The following DLGAP2 variants were observed in gnomAD, a reference collection of about 807,000 sequenced individuals.
DLGAP2 encodes DLG associated protein 2.
In DLGAP2, 26 loss-of-function variants were observed where a neutral mutation model predicts 100.3. The observed-to-expected ratio is 0.26, with a 90% confidence interval of 0.19 to 0.36. The LOEUF (loss-of-function observed/expected upper bound fraction) is 0.36. DLGAP2 is among the 10% of genes least tolerant of loss of function. The pLI is 1.00. For synonymous variants in DLGAP2, 886 were observed against 630.1 expected (o/e 1.41, Z -6.08); for missense variants, 1,858 against 1,453.2 (o/e 1.28, Z -4.53).
At chr8:1,231,039 A>G (rs1798524758) in intron 2 of DLGAP2, among the ~76,000 whole-genome samples, 1 of 152,240 alleles carries the variant, frequency 6.6e-6, no homozygotes, top group Non-Finnish European at 1.5e-5. Context: ...GCTTCTGCAT[A>G]GCAAGAGAAA....
intron 2 of DLGAP2, among the ~76,000 whole-genome samples, chr8:1,180,083 A>T (rs570113538): frequency 6.6e-6 from 1 of 152,386 alleles, no homozygotes; most frequent in Non-Finnish European, 1.5e-5. Context: ...TGTTGTATCA[A>T]TTCCATAACA....
intron 3 of DLGAP2, among the ~76,000 whole-genome samples, chr8:1,367,972 G>A (rs554535589): frequency 9.2e-5 from 14 of 152,304 alleles, no homozygotes; most frequent in South Asian, 6.2e-4. Flanking sequence ...AGGCTTTGCC[G>A]TCAGGATTCA....
intron 2 of DLGAP2, among the ~76,000 whole-genome samples, chr8:1,208,202 G>A (rs572880130): frequency 5.9e-5 from 9 of 152,270 alleles, no homozygotes; most frequent in East Asian, 3.9e-4. Context: ...TCAGGTCTTA[G>A]CTGTAAGTCT....
chr8:867,496 A>G (rs1005035422), intron 1 of DLGAP2, among the ~76,000 whole-genome samples: 3 of 152,348 alleles, frequency 2.0e-5, no homozygotes, highest in Non-Finnish European at 4.4e-5. Flanking sequence ...AGTTGAGAAC[A>G]AAAGGGGAAC....
At chr8:1,367,920 G>A (rs1585305445) in intron 3 of DLGAP2, among the ~76,000 whole-genome samples, 1 of 152,236 alleles carries the variant, frequency 6.6e-6, no homozygotes, top group Non-Finnish European at 1.5e-5. Flanking sequence ...AACAAGCTCA[G>A]TTGTTCCGGA....
Position 1,088,597 on chromosome 8 carries a change from T to C in DLGAP2, c.74-170254T>C, listed in dbSNP as rs940901089. 3.3e-5 allele frequency among the ~76,000 whole-genome samples: 5 copies of C among 152,256 alleles called. No homozygotes were observed. The South Asian group carries it at 8.3e-4, about 25-fold the overall frequency. Reference sequence around the variant, plus strand: ...TTTAGCTGTGGCTTCTTCCAGGGTCTCCGAAAGGCAAACAGGCAGAAGAAC... The same window carrying C: ...TTTAGCTGTGGCTTCTTCCAGGGTCCCCGAAAGGCAAACAGGCAGAAGAAC... On this transcript the variant is annotated intron_variant, in intron 2 of 14. Coordinates refer to ENST00000637795, the MANE Select transcript of DLGAP2 (RefSeq NM_001346810.2).
chr8:781,070 A>C (rs1821673516), intron 1 of DLGAP2, among the ~76,000 whole-genome samples: 1 of 152,230 alleles, frequency 6.6e-6, no homozygotes, highest in African/African-American at 2.4e-5. Context: ...AAATATGTAT[A>C]GATAACCCCT....
At chr8:829,630 A>C (rs1796744879) in intron 1 of DLGAP2, among the ~76,000 whole-genome samples, 1 of 152,234 alleles carries the variant, frequency 6.6e-6, no homozygotes, top group Admixed American at 6.5e-5. Context: ...TTCTTTTTTC[A>C]AACTATGTAA....
chr8:1,503,552 G>C (rs999748623), intron 4 of DLGAP2, among the ~76,000 whole-genome samples: 2 of 152,122 alleles, frequency 1.3e-5, no homozygotes, highest in Non-Finnish European at 1.5e-5. Context: ...TCCTTGGCCA[G>C]TGTGAATGGT....
intron 2 of DLGAP2, among the ~76,000 whole-genome samples, chr8:1,193,417 TG>T (rs1797681026): frequency 1.3e-5 from 2 of 152,230 alleles, no homozygotes; most frequent in Admixed American, 1.3e-4. Context: ...ATTTGTCTGA[TG>T]GCCAGTGATG....
intron 1 of DLGAP2, among the ~76,000 whole-genome samples, chr8:830,883 T>C (rs1197801215): frequency 7.0e-6 from 1 of 141,852 alleles, no homozygotes; most frequent in African/African-American, 2.6e-5. Context: ...TATGTAAACA[T>C]TCAGCTGTGA....
chr8:1,255,378 C>T (rs1346904814), intron 2 of DLGAP2, among the ~76,000 whole-genome samples: 16 of 121,028 alleles, frequency 1.3e-4, no homozygotes, highest in African/African-American at 4.2e-4. Flanking sequence ...TCTCATCCTG[C>T]CCGGGTGCTG....
At chr8:917,136 A>T (rs1469147732) in intron 2 of DLGAP2, among the ~76,000 whole-genome samples, 1 of 152,178 alleles carries the variant, frequency 6.6e-6, no homozygotes. Flanking sequence ...CGGGGATAGT[A>T]AAGCGACTGT....
intron 2 of DLGAP2, among the ~76,000 whole-genome samples, chr8:915,742 C>T (rs1236798251): frequency 6.6e-6 from 1 of 152,250 alleles, no homozygotes; most frequent in South Asian, 2.1e-4. Context: ...TCTGTCCGTC[C>T]GTCAGTTCAC....
intron 3 of DLGAP2, among the ~76,000 whole-genome samples, chr8:1,330,112 C>G (rs542241431): frequency 6.6e-6 from 1 of 152,194 alleles, no homozygotes; most frequent in Non-Finnish European, 1.5e-5. Context: ...TGTATCTTGC[C>G]CCTGCGAGAG....
In DLGAP2 at chr8:1,676,519, C is replaced by G. The variant is rs1227590477; in HGVS notation, c.2203-14C>G. ...TGTTTCAGTTCTAAAATAAGACGTT[C>G]TCTGTTGAATTAGGTGGAAACGGCC... On this transcript the variant is annotated splice_polypyrimidine_tract_variant and intron_variant, in intron 10 of 14. Transcript: ENST00000637795. The G allele has an allele frequency of 1.9e-6, 3 of 1,610,698 alleles. No homozygotes were observed. The highest frequency in any genetic ancestry group is 1.7e-6 in the Non-Finnish European group (2 of 1,178,496).
chr8:1,191,050 C>A (rs1316855757), intron 2 of DLGAP2, among the ~76,000 whole-genome samples: 3 of 152,194 alleles, frequency 2.0e-5, no homozygotes, highest in Admixed American at 1.3e-4. Flanking sequence ...GACCCTGCCA[C>A]ATCCCACGGG....
At chr8:839,214 C>G (rs945068473) in intron 1 of DLGAP2, among the ~76,000 whole-genome samples, 4 of 152,142 alleles carry the variant, frequency 2.6e-5, no homozygotes, top group African/African-American at 9.7e-5. Context: ...ACCATGTGAT[C>G]CAGCCGTCCC....
chr8:1,251,941 T>C (rs1308150723), intron 2 of DLGAP2, among the ~76,000 whole-genome samples: 1 of 152,262 alleles, frequency 6.6e-6, no homozygotes, highest in East Asian at 1.9e-4. Context: ...AGTCATGTTG[T>C]CCTGGGTCAT....
Sources: allele counts gnomAD v4.1 joint callset (sites outside exome capture counted in the v4.1 genomes callset), GRCh38; gene constraint gnomAD v4.1.1; transcripts MANE v1.5; gene names NCBI Gene and HGNC (gene_info 2026-07-23, HGNC 2026-07-21).